Variants in CHAF1A observed in about 807,000 individuals in gnomAD.
CHAF1A encodes the protein CAF-1 subunit A.
A neutral mutation model predicts 93.2 loss-of-function variants in CHAF1A; 5 were observed. The ratio of observed to expected loss-of-function variants is 0.05; its 90% CI spans 0.03 to 0.11. The LOEUF is 0.11. CHAF1A is among the 10% of genes least tolerant of loss of function. CHAF1A has a pLI of 1.00. For missense variants in CHAF1A, 1,102 were observed against 1,259.9 expected, an observed-to-expected ratio of 0.87 and a Z score of 1.90; for synonymous variants, 504 against 510.3, an observed-to-expected ratio of 0.99 and a Z score of 0.17.
At chr19:4,408,581 C>T (rs975799929) in intron 2 of CHAF1A, among the ~76,000 whole-genome samples, 4 of 146,464 alleles carry the variant, frequency 2.7e-5, no homozygotes, top group African/African-American at 1.0e-4. Context: ...TCAAGCGATT[C>T]TCCTACCTCA....
intron 1 of CHAF1A, among the ~76,000 whole-genome samples, chr19:4,403,493 G>T (rs895596501): frequency 6.6e-6 from 1 of 152,254 alleles, no homozygotes; most frequent in African/African-American, 2.4e-5. Flanking sequence ...TTGGCATTAC[G>T]CTTTGGCACA....
chr19:4,404,427 G>A (rs1355638716), intron 1 of CHAF1A, among the ~76,000 whole-genome samples: 2 of 152,248 alleles, frequency 1.3e-5, no homozygotes, highest in South Asian at 2.1e-4. Context: ...TGATTGTCTC[G>A]AAAATAAAGT....
At chr19:4,411,673 G>A (rs1167264688) in intron 3 of CHAF1A, among the ~76,000 whole-genome samples, 2 of 18,520 alleles carry the variant, frequency 1.1e-4, no homozygotes, top group Non-Finnish European at 2.9e-4. Context: ...TTTGAGACAT[G>A]GTCTCACCCT....
intron 12 of CHAF1A, 131 bp from the exon 13 acceptor site, chr19:4,432,939 G>T: frequency 2.8e-6 from 2 of 702,942 alleles, no homozygotes; most frequent in Non-Finnish European, 4.7e-6. Context: ...CCCTCATGAG[G>T]CCACCTATCC....
At chr19:4,436,581 C>T (rs1325564674) in intron 13 of CHAF1A, among the ~76,000 whole-genome samples, 1 of 152,272 alleles carries the variant, frequency 6.6e-6, no homozygotes, top group East Asian at 1.9e-4. Context: ...ATGATCGGGG[C>T]GGGAAGGTAC....
chr19:4,413,371 G>C (rs1488489688), intron 3 of CHAF1A, among the ~76,000 whole-genome samples: 4 of 151,996 alleles, frequency 2.6e-5, no homozygotes, highest in African/African-American at 4.8e-5. Flanking sequence ...CGCCTGGCCA[G>C]TTGGTACCTA....
intron 1 of CHAF1A, among the ~76,000 whole-genome samples, chr19:4,404,383 GC>G (rs1973642999): frequency 6.6e-6 from 1 of 152,146 alleles, no homozygotes; most frequent in Non-Finnish European, 1.5e-5. Context: ...TTGCACCAAA[GC>G]TAGTGACTCA....
At chr19:4,439,400 T>G (rs536619286) in intron 13 of CHAF1A, among the ~76,000 whole-genome samples, 1 of 152,362 alleles carries the variant, frequency 6.6e-6, no homozygotes, top group Admixed American at 6.5e-5. Flanking sequence ...CGTGTCTGTG[T>G]TTAGCACTTG....
intron 14 of CHAF1A, 145 bp downstream of exon 14, chr19:4,442,486 C>A: frequency 1.4e-6 from 1 of 714,900 alleles, no homozygotes; most frequent in Non-Finnish European, 2.4e-6. Flanking sequence ...CCTGCCCTGC[C>A]ACATCCTCGG....
Position 4,431,946 on chromosome 19 carries a change from C to T in CHAF1A, c.1948-6C>T. ...CCAAATAAACTTCTGCTTTCTAAAC[C>T]ACAAGGAGTGTGCCGACCCTGAGAA... On this transcript the variant is annotated splice_region_variant and splice_polypyrimidine_tract_variant and intron_variant, in intron 11 of 14. Transcript: ENST00000301280. The T allele has an allele frequency of 6.9e-6, 11 of 1,600,084 alleles. No homozygotes were observed. Among genetic ancestry groups the T allele is most frequent in the Non-Finnish European group, 8.5e-6 (10 of 1,169,820 alleles).
At chr19:4,446,667 CTG>C (rs1438731444), downstream of CHAF1A, 3 of 1,612,132 alleles carry the variant, frequency 1.9e-6, no homozygotes, top group East Asian at 2.2e-5. Context: ...TCTCCAGGCT[CTG>C]GGGCTGGGCC....
intron 3 of CHAF1A, among the ~76,000 whole-genome samples, chr19:4,410,739 C>T (rs1441940860): frequency 6.6e-6 from 1 of 152,168 alleles, no homozygotes; most frequent in Non-Finnish European, 1.5e-5. Context: ...TAGTCCCAGC[C>T]ACCTGGGAAA....
At chr19:4,447,251 G>A, downstream of CHAF1A, 2 of 571,748 alleles carry the variant, frequency 3.5e-6, no homozygotes, top group Admixed American at 3.0e-5. Context: ...CCAGACATCT[G>A]GTTTGCATGA....
chr19:4,445,123 C>T (rs1391937810), downstream of CHAF1A: 2 of 243,930 alleles, frequency 8.2e-6, no homozygotes, highest in Non-Finnish European at 1.6e-5. Context: ...GCCCTAGTGC[C>T]AGGTGCAGCC....
chr19:4,419,569 A>T (rs1199424118), intron 4 of CHAF1A, among the ~76,000 whole-genome samples: 1 of 151,990 alleles, frequency 6.6e-6, no homozygotes, highest in Non-Finnish European at 1.5e-5. Context: ...AGCTGGGATT[A>T]TAGGCACGAG....
intron 10 of CHAF1A, 118 bp from the exon 11 acceptor site, chr19:4,430,431 G>C (rs936061254): frequency 3.0e-6 from 2 of 656,714 alleles, no homozygotes; most frequent in African/African-American, 3.6e-5. Flanking sequence ...GCCCACCTCA[G>C]CCTCCCAAAG....
chr19:4,423,029 T>G (rs1974018556), intron 5 of CHAF1A, among the ~76,000 whole-genome samples: 1 of 152,222 alleles, frequency 6.6e-6, no homozygotes, highest in Non-Finnish European at 1.5e-5. Context: ...GTCTCTGCTG[T>G]GACCATCCTT....
chr19:4,432,322 AAC>A (rs1974200207), intron 12 of CHAF1A, 115 bp downstream of exon 12: 1 of 1,217,960 alleles, frequency 8.2e-7, no homozygotes, highest in African/African-American at 1.5e-5. Context: ...TTCCACAAAT[AAC>A]AGAGGCCAGC....
At chr19:4,446,572 G>A (rs1343381119), downstream of CHAF1A, 3 of 1,612,428 alleles carry the variant, frequency 1.9e-6, no homozygotes, top group South Asian at 3.3e-5. Flanking sequence ...GAACTGCGAG[G>A]CCAGGGGCGA....
Sources: allele counts gnomAD v4.1 joint callset (sites outside exome capture counted in the v4.1 genomes callset), GRCh38; gene constraint gnomAD v4.1.1; transcripts MANE v1.5; gene names NCBI Gene and HGNC (gene_info 2026-07-23, HGNC 2026-07-21).